MCUB: variants seen among roughly 807,000 people sequenced by gnomAD.
The protein encoded by MCUB is mitochondrial calcium uniporter dominant negative subunit beta, also known as calcium uniporter regulatory subunit MCUb, mitochondrial.
Under a neutral mutation model 41.4 loss-of-function variants are expected in MCUB, and 46 were observed. The ratio of observed to expected loss-of-function variants is 1.11; its 90% CI spans 0.88 to 1.42. The LOEUF (loss-of-function observed/expected upper bound fraction) is 1.42, where lower values mean the gene tolerates loss of function less well. MCUB is among the 40% of genes most tolerant of loss of function. The pLI is 0.00. For missense variants in MCUB, 403 were observed against 404.9 expected (o/e 1.00, Z 0.04); for synonymous variants, 148 against 148.2 (o/e 1.00, Z 0.01).
At chr4:109,630,469 AT>A (rs1463001459) in intron 1 of MCUB, among the ~76,000 whole-genome samples, 1 of 152,104 alleles carries the variant, frequency 6.6e-6, no homozygotes, top group African/African-American at 2.4e-5. Context: ...CTCTAAAAAA[AT>A]TTTTTTCTTC....
chr4:109,666,640 T>C (rs2126146368), intron 4 of MCUB, among the ~76,000 whole-genome samples: 1 of 152,334 alleles, frequency 6.6e-6, no homozygotes, highest in African/African-American at 2.4e-5. Flanking sequence ...GATCAGGTTG[T>C]TCATTTTCTT....
chr4:109,620,597 TA>T (rs1476163200), intron 1 of MCUB, among the ~76,000 whole-genome samples: 1 of 151,554 alleles, frequency 6.6e-6, no homozygotes, highest in African/African-American at 2.4e-5. Context: ...ATGTATAAAT[TA>T]GCATTCAATT....
At chr4:109,593,542 A>G (rs541046130) in intron 1 of MCUB, among the ~76,000 whole-genome samples, 2 of 152,342 alleles carry the variant, frequency 1.3e-5, no homozygotes, top group South Asian at 4.1e-4. Context: ...ATCTGCATGT[A>G]TGATGATCCA....
Position 109,634,171 on chromosome 4 carries a change from C to T in MCUB, c.100-24840C>T, listed in dbSNP as rs117200278. 4.5e-3 allele frequency among the ~76,000 whole-genome samples: 688 copies of T among 152,138 alleles called. 17 individuals are homozygous for T. In the South Asian group the frequency reaches 0.061, roughly 13 times the overall value. ...TAGAATCCAGACAAAAAACAGAATG[C>T]TGTCAGCACCTTAGAAGTGTCTCCA... On this transcript the variant is annotated intron_variant, in intron 1 of 7. Transcript: ENST00000394650.
chr4:109,572,761 C>T (rs1274484581), intron 1 of MCUB, among the ~76,000 whole-genome samples: 1 of 152,002 alleles, frequency 6.6e-6, no homozygotes, highest in East Asian at 1.9e-4. Flanking sequence ...AAATGCATAA[C>T]TTTGAGATAT....
intron 1 of MCUB, among the ~76,000 whole-genome samples, chr4:109,570,355 TTG>T (rs1425291630): frequency 6.6e-6 from 1 of 152,264 alleles, no homozygotes; most frequent in Non-Finnish European, 1.5e-5. Flanking sequence ...GTACAGGTAC[TTG>T]TCCTAGTGTT....
intron 1 of MCUB, among the ~76,000 whole-genome samples, chr4:109,618,952 TTCTCTCTCTCTC>T (rs10557098): frequency 0.021 from 2,713 of 127,730 alleles, 89 homozygotes; most frequent in African/African-American, 0.077. Flanking sequence ...AACATTAAAC[TTCTCTCTCTCTC>T]TCTCTCTCTC....
At chr4:109,649,403 C>A (rs1561240478) in intron 1 of MCUB, among the ~76,000 whole-genome samples, 1 of 151,916 alleles carries the variant, frequency 6.6e-6, no homozygotes, top group Admixed American at 6.6e-5. Flanking sequence ...TGTAAGTTTT[C>A]TTACATCCTG....
At chr4:109,593,886 C>T (rs1020433748) in intron 1 of MCUB, among the ~76,000 whole-genome samples, 1 of 152,162 alleles carries the variant, frequency 6.6e-6, no homozygotes. Context: ...GATATGAAGT[C>T]AATGGGCAGA....
chr4:109,636,548 T>C (rs76042549), intron 1 of MCUB, among the ~76,000 whole-genome samples: 4 of 152,250 alleles, frequency 2.6e-5, no homozygotes, highest in East Asian at 3.9e-4. Context: ...AGAAAGAGAA[T>C]GTTTGGCCGG....
Position 109,684,649 on chromosome 4 carries a change from G to T in MCUB, c.816+3G>T. 7.3e-7 allele frequency: 1 copy of T among 1,364,782 alleles called. No homozygotes were observed. The highest frequency in any genetic ancestry group is 1.2e-5 in the South Asian group (1 of 83,282). The allele number at this position is 1,364,782 out of a possible 1,614,324, so 84.5% of individuals were successfully genotyped here. Reference sequence around the variant, plus strand: ...CATACTTTATAGTCACTCGACAGGTGAGTAGTTTGTTAGGAAAATGGTAAG... The same window carrying T: ...CATACTTTATAGTCACTCGACAGGTTAGTAGTTTGTTAGGAAAATGGTAAG... On this transcript the variant is annotated splice_donor_region_variant and intron_variant, in intron 6 of 7. Coordinates refer to ENST00000394650, the MANE Select transcript of MCUB (RefSeq NM_017918.5).
intron 1 of MCUB, among the ~76,000 whole-genome samples, chr4:109,612,410 G>A (rs1055297506): frequency 1.3e-5 from 2 of 151,884 alleles, no homozygotes; most frequent in Admixed American, 6.6e-5. Flanking sequence ...GGGATTACAG[G>A]CACCTGCCAT....
intron 4 of MCUB, among the ~76,000 whole-genome samples, chr4:109,675,345 C>T (rs1396899749): frequency 6.6e-6 from 1 of 152,214 alleles, no homozygotes; most frequent in East Asian, 1.9e-4. Flanking sequence ...CTCAACTAGG[C>T]GTTAACCATG....
At position 109,630,236 on chromosome 4, in the gene MCUB, G is replaced by GC. The variant is rs1728445535; in HGVS notation, c.100-28774dup. On this transcript the variant is annotated intron_variant, in intron 1 of 7. Transcript: ENST00000394650. ...AGCTACTTGAGAGGCTGAAGTGGGA[G>GC]CATCACTTGAGGCAGGAATTCAAGA... 2.0e-5 allele frequency among the ~76,000 whole-genome samples: 3 copies of GC among 152,262 alleles called. No individual in the cohort carries two copies. The South Asian group carries it at 6.2e-4, about 32-fold the overall frequency.
In MCUB at chr4:109,587,247, G is replaced by C. The variant is rs146593580; in HGVS notation, c.99+26811G>C. On this transcript the variant is annotated intron_variant, in intron 1 of 7. Coordinates refer to ENST00000394650, the MANE Select transcript of MCUB (RefSeq NM_017918.5). ...GCTAGCAGTGAGCAAGGCTCCATGG[G>C]CGTGGGACCCACTGAGCCAGGCACA... Among the ~76,000 whole-genome samples, 886 of 152,372 alleles carry C rather than the reference G, an allele frequency of 5.8e-3. 29 individuals carry two copies. The South Asian group carries it at 0.072, about 12-fold the overall frequency.
chr4:109,618,375 GT>G (rs1451862333), intron 1 of MCUB, among the ~76,000 whole-genome samples: 1 of 152,134 alleles, frequency 6.6e-6, no homozygotes, highest in African/African-American at 2.4e-5. Context: ...GTCCCCTGTT[GT>G]CTCTAGCAGT....
chr4:109,644,374 TATAG>T (rs1303334397), intron 1 of MCUB, among the ~76,000 whole-genome samples: 3 of 152,336 alleles, frequency 2.0e-5, no homozygotes, highest in Admixed American at 6.5e-5. Flanking sequence ...CCAATCTGTC[TATAG>T]ATAGATAAGC....
At chr4:109,569,496 CCTT>C (rs1421750999) in intron 1 of MCUB, among the ~76,000 whole-genome samples, 419 of 141,802 alleles carry the variant, frequency 3.0e-3, no homozygotes, top group Non-Finnish European at 4.2e-3. Flanking sequence ...CTTGGCTATC[CCTT>C]TTTTTTTTTT....
At chr4:109,565,719 G>A (rs748755973) in intron 1 of MCUB, among the ~76,000 whole-genome samples, 3 of 152,000 alleles carry the variant, frequency 2.0e-5, no homozygotes, top group African/African-American at 4.8e-5. Context: ...GGGTTCTGAC[G>A]ATAATCCTGA....
Sources: gnomAD v4.1 joint callset for allele counts (sites outside exome capture counted in the v4.1 genomes callset) on GRCh38, gnomAD v4.1.1 for gene constraint, MANE v1.5 for transcripts, NCBI Gene and HGNC (gene_info 2026-07-23, HGNC 2026-07-21) for gene names.